FOXP2: variants seen among roughly 807,000 people sequenced by gnomAD.
FOXP2 encodes forkhead box protein P2.
Under a neutral mutation model 115.8 loss-of-function variants are expected in FOXP2, and 12 were observed. The ratio of observed to expected loss-of-function variants is 0.10; its 90% CI spans 0.07 to 0.17. The LOEUF is 0.17. FOXP2 is among the 10% of genes least tolerant of loss of function. The probability of loss-of-function intolerance (pLI) is 1.00; values close to 1 mark genes in which losing one functional copy is unlikely to be tolerated. For missense variants in FOXP2, 629 were observed against 843.5 expected (o/e 0.75, Z 3.15); for synonymous variants, 328 against 297.7 (o/e 1.10, Z -1.05).
intron 1 of FOXP2, among the ~76,000 whole-genome samples, chr7:114,249,330 C>CA (rs1795372202): frequency 1.3e-5 from 2 of 152,128 alleles, no homozygotes; most frequent in South Asian, 4.1e-4. Flanking sequence ...TTATGCCCAA[C>CA]ATGCATTAGC....
intron 1 of FOXP2, among the ~76,000 whole-genome samples, chr7:114,110,790 A>G (rs1791249561): frequency 6.6e-6 from 1 of 152,160 alleles, no homozygotes; most frequent in Non-Finnish European, 1.5e-5. Flanking sequence ...TGATGTATTT[A>G]AAAGCTTTTG....
intron 2 of FOXP2, among the ~76,000 whole-genome samples, chr7:114,455,102 T>A (rs1795251219): frequency 1.3e-5 from 2 of 152,212 alleles, no homozygotes; most frequent in Non-Finnish European, 2.9e-5. Context: ...AGTGTATCTC[T>A]GACCTTTCCC....
intron 2 of FOXP2, among the ~76,000 whole-genome samples, chr7:114,473,286 A>G (rs1444736303): frequency 6.6e-6 from 1 of 152,162 alleles, no homozygotes; most frequent in Non-Finnish European, 1.5e-5. Context: ...TATAGCCCCC[A>G]TTACAAGATA....
At chr7:114,214,563 T>G (rs1034005104) in intron 1 of FOXP2, among the ~76,000 whole-genome samples, 1 of 152,164 alleles carries the variant, frequency 6.6e-6, no homozygotes, top group African/African-American at 2.4e-5. Flanking sequence ...AATAAACTAG[T>G]ATGTTGTATA....
chr7:114,416,042 G>A (rs1476315165), intron 1 of FOXP2, among the ~76,000 whole-genome samples: 2 of 151,922 alleles, frequency 1.3e-5, no homozygotes, highest in Non-Finnish European at 2.9e-5. Context: ...CTTCAAATAG[G>A]TGTGATAGTT....
chr7:114,380,345 C>T (rs1294316580), intron 2 of FOXP2, among the ~76,000 whole-genome samples: 1 of 152,134 alleles, frequency 6.6e-6, no homozygotes, highest in Non-Finnish European at 1.5e-5. Context: ...ATTCTAGTGC[C>T]CGAGTGAGGG....
At chr7:114,210,352 C>G (rs1794311997) in intron 1 of FOXP2, among the ~76,000 whole-genome samples, 1 of 152,064 alleles carries the variant, frequency 6.6e-6, no homozygotes, top group South Asian at 2.1e-4. Context: ...TGTTGGTCTT[C>G]TTGTTTTATG....
At chr7:114,160,954 C>A (rs1027438480), upstream of FOXP2, among the ~76,000 whole-genome samples, 1 of 152,072 alleles carries the variant, frequency 6.6e-6, no homozygotes. Context: ...AATTAGCATA[C>A]GTATTGTTCT....
intron 2 of FOXP2, among the ~76,000 whole-genome samples, chr7:114,459,287 C>T (rs988267692): frequency 6.6e-5 from 10 of 152,026 alleles, no homozygotes; most frequent in Admixed American, 2.0e-4. Flanking sequence ...TGGGAAGAGC[C>T]GTAGGAACTA....
chr7:114,471,962 GAAAAA>G (rs755686269), intron 2 of FOXP2, among the ~76,000 whole-genome samples: 1 of 120,690 alleles, frequency 8.3e-6, no homozygotes, highest in African/African-American at 3.1e-5. Flanking sequence ...TCCATCTCAG[GAAAAA>G]AAAAAAAAAA....
intron 1 of FOXP2, among the ~76,000 whole-genome samples, chr7:114,244,001 A>G (rs1004468348): frequency 6.6e-6 from 1 of 151,940 alleles, no homozygotes; most frequent in African/African-American, 2.4e-5. Flanking sequence ...TCTTTTTCAT[A>G]TAATGAGTTT....
chr7:114,261,645 A>G (rs1249236301), intron 1 of FOXP2, among the ~76,000 whole-genome samples: 1 of 152,142 alleles, frequency 6.6e-6, no homozygotes, highest in Non-Finnish European at 1.5e-5. Flanking sequence ...CGGTTATAGA[A>G]CCTATCTCAA....
At chr7:114,252,309 A>G (rs1370431145) in intron 1 of FOXP2, among the ~76,000 whole-genome samples, 1 of 152,130 alleles carries the variant, frequency 6.6e-6, no homozygotes, top group Non-Finnish European at 1.5e-5. Flanking sequence ...TGCCTCATAA[A>G]ATGACTTAGG....
At chr7:114,378,442 G>A (rs146901354) in intron 2 of FOXP2, among the ~76,000 whole-genome samples, 389 of 152,074 alleles carry the variant, frequency 2.6e-3, no homozygotes, top group African/African-American at 7.6e-3. Context: ...TCAGCATTTT[G>A]GGAGGCTGAG....
chr7:114,371,169 C>G (rs1791996259), intron 2 of FOXP2, among the ~76,000 whole-genome samples: 1 of 151,966 alleles, frequency 6.6e-6, no homozygotes, highest in African/African-American at 2.4e-5. Context: ...CAGCCTGGTC[C>G]TCCTGGGCTC....
intron 1 of FOXP2, among the ~76,000 whole-genome samples, chr7:114,259,585 A>G (rs1795697196): frequency 6.6e-6 from 1 of 152,240 alleles, no homozygotes; most frequent in Non-Finnish European, 1.5e-5. Flanking sequence ...TCATAAAACA[A>G]GCTTTCAGCA....
At chr7:114,431,389 G>T (rs1295958952) in intron 2 of FOXP2, among the ~76,000 whole-genome samples, 1 of 151,822 alleles carries the variant, frequency 6.6e-6, no homozygotes, top group East Asian at 1.9e-4. Context: ...TGCTTGAGGA[G>T]AATTTGAGAT....
At chr7:114,611,622 A>G (rs1803633330) in intron 3 of FOXP2, among the ~76,000 whole-genome samples, 1 of 152,194 alleles carries the variant, frequency 6.6e-6, no homozygotes, top group South Asian at 2.1e-4. Flanking sequence ...TTCATAGCTT[A>G]AAATAACTAC....
At chr7:114,138,669 G>A (rs1288997046) in intron 1 of FOXP2, among the ~76,000 whole-genome samples, 1 of 152,098 alleles carries the variant, frequency 6.6e-6, no homozygotes, top group Admixed American at 6.6e-5. Flanking sequence ...GGGATTACAG[G>A]CGTGAGCCAC....
Sources: allele counts gnomAD v4.1 joint callset (sites outside exome capture counted in the v4.1 genomes callset), GRCh38; gene constraint gnomAD v4.1.1; transcripts MANE v1.5; gene names NCBI Gene and HGNC (gene_info 2026-07-23, HGNC 2026-07-21).